TTLL4: variants seen among roughly 807,000 people sequenced by gnomAD.
TTLL4 encodes the protein tubulin tyrosine ligase like 4.
TTLL4 carries 85 observed loss-of-function variants against 122.7 expected under a neutral mutation model. The observed-to-expected ratio is 0.69, with a 90% CI of 0.58 to 0.83. The LOEUF (loss-of-function observed/expected upper bound fraction) is 0.83, where lower values mean the gene tolerates loss of function less well. Ranked by LOEUF, TTLL4 falls within the 40% of genes least tolerant of loss-of-function variation. The probability of loss-of-function intolerance (pLI) is 0.00; values close to 1 mark genes in which losing one functional copy is unlikely to be tolerated. For missense variants in TTLL4, 1,363 were observed against 1,488.6 expected (o/e 0.92, Z 1.39); for synonymous variants, 553 against 563.0 (o/e 0.98, Z 0.25).
At chr2:218,731,152 T>G (rs963684072) in intron 2 of TTLL4, among the ~76,000 whole-genome samples, 1 of 151,648 alleles carries the variant, frequency 6.6e-6, no homozygotes, top group African/African-American at 2.4e-5. Flanking sequence ...GGCTCACACC[T>G]GTAATCCCAG....
At chr2:218,749,427 C>T (rs1274738245) in intron 14 of TTLL4, 40 bp downstream of exon 14, 2 of 1,607,958 alleles carry the variant, frequency 1.2e-6, no homozygotes, top group African/African-American at 2.7e-5. Context: ...AGAATCCTTC[C>T]ATTATTCTCA....
At chr2:218,734,702 T>C (rs1394985223) in intron 2 of TTLL4, among the ~76,000 whole-genome samples, 1 of 152,210 alleles carries the variant, frequency 6.6e-6, no homozygotes, top group Non-Finnish European at 1.5e-5. Context: ...CTAGGCATTC[T>C]CCTACCACTT....
In TTLL4 at chr2:218,713,244, G is replaced by C. The variant is rs145470231; in HGVS notation, c.-178+2207G>C. On this transcript the variant is annotated intron_variant, in intron 1 of 19. Coordinates refer to ENST00000392102, the MANE Select transcript of TTLL4 (RefSeq NM_014640.5). ...AAAAAAATATGTAAAAATTAGCCAA[G>C]CATGGTAGCGTGCTCTTATAGTCCC... Among the ~76,000 whole-genome samples the C allele has an allele frequency of 3.0e-4, 46 of 152,246 alleles. No homozygotes were observed. The East Asian group carries it at 7.0e-3, about 23-fold the overall frequency.
chr2:218,747,917 G>A lies in TTLL4; in HGVS notation c.2379-188G>A. ...CTTCCTGCATGCGGGACTGAGGTGG[G>A]ATAAAGGAGATGAGTTTAGCTGTGG... On this transcript the variant is annotated intron_variant, in intron 11 of 19. Transcript: ENST00000392102. The surrounding 1 kb of genome is among the most constrained non-coding windows in gnomAD (Gnocchi z 4.7). 2 of 1,102,432 alleles carry A rather than the reference G, an allele frequency of 1.8e-6. No homozygotes were observed. The highest frequency in any genetic ancestry group is 2.6e-6 in the Non-Finnish European group (2 of 773,572). 68.3% of individuals were successfully genotyped at this position (1,102,432 alleles called of 1,614,324 possible). A position where few individuals can be genotyped will look rare whatever the true frequency, so the allele number is the denominator to read the frequency against.
Position 218,744,885 on chromosome 2 carries a change from A to G in TTLL4, c.1662-224A>G, listed in dbSNP as rs189165232. 8.5e-5 allele frequency among the ~76,000 whole-genome samples: 13 copies of G among 152,306 alleles called. No homozygotes were observed. In the East Asian group the frequency reaches 2.5e-3, roughly 29 times the overall value. On this transcript the variant is annotated intron_variant, in intron 5 of 19. Transcript: ENST00000392102. ...GCTGTATTGCAGAATGAAGTGTTGG[A>G]AAACCTTGTCTTTAGGTGACATTTA...
chr2:218,746,631 G>A (rs1369492215), intron 8 of TTLL4: 2 of 358,146 alleles, frequency 5.6e-6, no homozygotes, highest in Non-Finnish European at 1.0e-5. Flanking sequence ...CTCCCAAGCT[G>A]AATATGTGTA....
In TTLL4 at chr2:218,746,057, C is replaced by G. The variant is rs965068553; in HGVS notation, c.1898-98C>G. On this transcript the variant is annotated intron_variant, in intron 7 of 19. Coordinates refer to ENST00000392102, the MANE Select transcript of TTLL4 (RefSeq NM_014640.5). ...AGCTCCATAGCAACTCTTTGAAAAC[C>G]AAGTCTGGGAGCTCTGCCCAGTTCT... 3.5e-6 allele frequency: 5 copies of G among 1,449,244 alleles called. No individual in the cohort carries two copies. In the Admixed American group the frequency reaches 5.1e-5, roughly 15 times the overall value. The allele number at this position is 1,449,244 out of a possible 1,614,324, so 89.8% of individuals were successfully genotyped here. A position where few individuals can be genotyped will look rare whatever the true frequency, so the allele number is the denominator to read the frequency against.
rs913252711 is a variant in TTLL4 at position 218,752,913 on chromosome 2, C to T, written c.3127C>T (p.Arg1043Ter). The T allele has an allele frequency of 4.3e-6, 7 of 1,614,130 alleles. No individual in the cohort carries two copies. The highest frequency in any genetic ancestry group is 1.3e-5 in the African/African-American group (1 of 75,012). The change falls in exon 17 of 20, where the codon CGA (arginine) becomes TGA (stop). Residue 1043 changes from arginine (R) to a stop codon, truncating the protein, a stop_gained. Coordinates refer to ENST00000392102, the MANE Select transcript of TTLL4 (RefSeq NM_014640.5). LOFTEE classifies it high-confidence loss of function. ...SRYLRFFEQPRYFNILTTQWE... is the reference protein window; with the variant it reads ...SRYLRFFEQP The stretch of plus-strand genomic sequence containing the variant: ...CTATCTCCGCTTTTTTGAGCAGCCA[C>T]GATATTTCAACATTCTCACCACCCA...
intron 2 of TTLL4, among the ~76,000 whole-genome samples, chr2:218,732,091 T>C (rs1942397426): frequency 6.6e-6 from 1 of 152,192 alleles, no homozygotes; most frequent in Non-Finnish European, 1.5e-5. Context: ...AAGCTGCTGA[T>C]TGGAGGGTCA....
intron 4 of TTLL4, 53 bp downstream of exon 4, chr2:218,740,220 G>T: frequency 1.3e-6 from 2 of 1,542,134 alleles, no homozygotes; most frequent in South Asian, 1.1e-5. Context: ...GACCTGTTGG[G>T]CAGGGGGCTG....
Position 218,754,206 on chromosome 2 carries a change from A to T in TTLL4, c.3417A>T (p.Gln1139His), listed in dbSNP as rs750067304. The T allele has an allele frequency of 1.9e-6, 3 of 1,614,058 alleles. No individual in the cohort carries two copies. In the South Asian group the frequency reaches 3.3e-5, roughly 18 times the overall value. The stretch of plus-strand genomic sequence containing the variant: ...CCACGCCCAAATCCAAGAAGACTCA[A>T]GCTGGCCTTTCCCCTTATCCCCAGA... ...DGTTPKSKKTQAGLSPYPQKP... is the reference protein window; with the variant it reads ...DGTTPKSKKTHAGLSPYPQKP... Residue 1139 changes from glutamine to histidine, a missense_variant, in exon 20 of 20, where the codon CAA (glutamine) becomes CAT (histidine). Gln to His is a conservative substitution (Grantham distance 24). This residue lies in a region of TTLL4 where 596 missense variants were observed against 655.8 expected (regional missense o/e 0.91). Transcript: ENST00000392102.
At chr2:218,740,779 A>C (rs1266480352) in intron 5 of TTLL4, among the ~76,000 whole-genome samples, 195 bp downstream of exon 5, 4 of 152,186 alleles carry the variant, frequency 2.6e-5, no homozygotes, top group African/African-American at 9.7e-5. Context: ...TGGGGCTTAA[A>C]AACAGTATCA....
intron 16 of TTLL4, 89 bp downstream of exon 16, chr2:218,751,895 TTTTCTTTTC>T: frequency 5.1e-6 from 4 of 780,856 alleles, no homozygotes; most frequent in Middle Eastern, 2.6e-4. Flanking sequence ...TTCTTTTTTT[TTTTCTTTTC>T]TTTTTCTTTT....
intron 19 of TTLL4, 83 bp downstream of exon 19, chr2:218,753,752 AG>A (rs1943088182): frequency 6.9e-7 from 1 of 1,457,568 alleles, no homozygotes; most frequent in Non-Finnish European, 9.6e-7. Context: ...AGACTGTGGC[AG>A]TGAGATCAGC....
intron 2 of TTLL4, among the ~76,000 whole-genome samples, chr2:218,735,817 C>T (rs1037403778): frequency 8.6e-5 from 13 of 151,862 alleles, no homozygotes; most frequent in Admixed American, 2.0e-4. Context: ...GGATTACAGG[C>T]ACCCTCCTCC....
At chr2:218,719,682 C>T (rs1231506844) in intron 1 of TTLL4, among the ~76,000 whole-genome samples, 26 of 152,142 alleles carry the variant, frequency 1.7e-4, no homozygotes, top group Admixed American at 1.7e-3. Flanking sequence ...GACTCATGGC[C>T]CTACTCCACA....
chr2:218,723,847 G>C (rs893720685), intron 1 of TTLL4, among the ~76,000 whole-genome samples: 1 of 152,154 alleles, frequency 6.6e-6, no homozygotes, highest in Admixed American at 6.6e-5. Context: ...AGATATGAAG[G>C]TGAATACAAC....
At chr2:218,734,695 G>A (rs1942468198) in intron 2 of TTLL4, among the ~76,000 whole-genome samples, 1 of 152,158 alleles carries the variant, frequency 6.6e-6, no homozygotes, top group East Asian at 1.9e-4. Context: ...CATTTCCCTA[G>A]GCATTCTCCT....
chr2:218,730,059 C>T (rs1942322828), intron 2 of TTLL4, among the ~76,000 whole-genome samples: 1 of 152,054 alleles, frequency 6.6e-6, no homozygotes, highest in African/African-American at 2.4e-5. Context: ...TTTCTATGTA[C>T]AAGATCATAT....
Sources: allele counts gnomAD v4.1 joint callset (sites outside exome capture counted in the v4.1 genomes callset), GRCh38; gene constraint gnomAD v4.1.1; regional missense constraint gnomAD v4.1.1; non-coding constraint Gnocchi (gnomAD v3.1); transcripts MANE v1.5; gene names NCBI Gene and HGNC (gene_info 2026-07-23, HGNC 2026-07-21).